The following KIAA1217 variants were observed in gnomAD, a reference collection of about 807,000 sequenced individuals.
KIAA1217 encodes sickle tail protein homolog.
A neutral mutation model predicts 163.9 loss-of-function variants in KIAA1217; 88 were observed. The observed-to-expected ratio is 0.54, with a 90% CI of 0.45 to 0.64. KIAA1217 has a LOEUF of 0.64. Among genes scored for constraint, KIAA1217 ranks in the 30% least tolerant of loss-of-function variants. The probability of loss-of-function intolerance (pLI) is 0.00; values close to 1 mark genes in which losing one functional copy is unlikely to be tolerated. For missense variants in KIAA1217, 2,372 were observed against 2,475.0 expected, an observed-to-expected ratio of 0.96 and a Z score of 0.88; for synonymous variants, 903 against 923.1, an observed-to-expected ratio of 0.98 and a Z score of 0.39.
intron 3 of KIAA1217, among the ~76,000 whole-genome samples, chr10:24,384,629 C>T (rs192375381): frequency 6.6e-6 from 1 of 152,096 alleles, no homozygotes; most frequent in South Asian, 2.1e-4. Flanking sequence ...CTCTGTCTCC[C>T]GGGTTCACGC....
chr10:24,150,378 A>C (rs1319924193), intron 2 of KIAA1217, among the ~76,000 whole-genome samples: 2 of 152,192 alleles, frequency 1.3e-5, no homozygotes, highest in Non-Finnish European at 2.9e-5. Context: ...ACCATCATTG[A>C]GAATCCGTTT....
chr10:23,846,005 T>A (rs1354951204), intron 1 of KIAA1217, among the ~76,000 whole-genome samples: 1 of 152,210 alleles, frequency 6.6e-6, no homozygotes, highest in Non-Finnish European at 1.5e-5. Context: ...TCCCCATTGC[T>A]TCTTTGTGTC....
At chr10:23,806,684 T>A (rs1024230558) in intron 1 of KIAA1217, among the ~76,000 whole-genome samples, 4 of 152,256 alleles carry the variant, frequency 2.6e-5, no homozygotes, top group Non-Finnish European at 5.9e-5. Flanking sequence ...TTCTTAGGTT[T>A]GAACCAACAG....
At chr10:23,907,670 C>T (rs1231866593) in intron 1 of KIAA1217, among the ~76,000 whole-genome samples, 3 of 152,068 alleles carry the variant, frequency 2.0e-5, no homozygotes, top group Non-Finnish European at 2.9e-5. Context: ...ACGGGTTGGA[C>T]GATGCCCACA....
chr10:23,772,812 C>G (rs964742697), intron 1 of KIAA1217, among the ~76,000 whole-genome samples: 5 of 152,226 alleles, frequency 3.3e-5, no homozygotes, highest in African/African-American at 1.2e-4. Flanking sequence ...GCACACATCC[C>G]TGGCATACAA....
At chr10:24,205,475 C>CA (rs1037115768), upstream of KIAA1217, among the ~76,000 whole-genome samples, 14 of 146,464 alleles carry the variant, frequency 9.6e-5, no homozygotes, top group Admixed American at 6.8e-5. Flanking sequence ...AACTCCGTCT[C>CA]AAAAAAAAGG....
At chr10:23,974,079 G>A (rs1282782931) in intron 1 of KIAA1217, among the ~76,000 whole-genome samples, 2 of 152,186 alleles carry the variant, frequency 1.3e-5, no homozygotes, top group African/African-American at 4.8e-5. Flanking sequence ...ATCTACCCCA[G>A]ACTGAAAAAC....
chr10:24,041,459 G>C (rs1056209828), intron 2 of KIAA1217, among the ~76,000 whole-genome samples: 1 of 152,036 alleles, frequency 6.6e-6, no homozygotes, highest in South Asian at 2.1e-4. Flanking sequence ...AATAAACTCC[G>C]AACTCTTTAA....
At chr10:23,761,271 A>G (rs1235993781) in intron 1 of KIAA1217, among the ~76,000 whole-genome samples, 1 of 151,968 alleles carries the variant, frequency 6.6e-6, no homozygotes, top group Non-Finnish European at 1.5e-5. Flanking sequence ...AACAACCCTG[A>G]TCTGTTATTT....
rs571889928 is a variant in KIAA1217, at chr10:23,905,837, T to G, written c.-320-101388T>G. On this transcript the variant is annotated intron_variant, in intron 1 of 18. Transcript: ENST00000376462. ...CTGAGATGACTTTGGTAGGGAAGTG[T>G]GTGCACACAAGCACTGTCTTAGTCC... Among the ~76,000 whole-genome samples, 17 of 152,312 alleles carry G rather than the reference T, an allele frequency of 1.1e-4. No homozygotes were observed. The South Asian group carries it at 3.5e-3, about 32-fold the overall frequency.
In KIAA1217 at chr10:23,866,402, T is replaced by G. The variant is rs181226937; in HGVS notation, c.-320-140823T>G. Among the ~76,000 whole-genome samples the G allele has an allele frequency of 2.6e-5, 4 of 152,286 alleles. No individual in the cohort carries two copies. In the East Asian group the frequency reaches 7.7e-4, roughly 29 times the overall value. On this transcript the variant is annotated intron_variant, in intron 1 of 18. Transcript: ENST00000376462. ...GGTGAAAATTTAGTAAAACAAAATTTTGTATTTTAGCAACTTTCTCTGTTT... is the reference window on the plus strand; with the variant it reads ...GGTGAAAATTTAGTAAAACAAAATTGTGTATTTTAGCAACTTTCTCTGTTT...
In KIAA1217 at chr10:24,464,225, C is replaced by T. The variant is rs117134664; in HGVS notation, c.847-9003C>T. On this transcript the variant is annotated intron_variant, in intron 5 of 20. Transcript: ENST00000376454. The stretch of plus-strand genomic sequence containing the variant: ...GAGCATTTAACTCATCCTGATTCAC[C>T]GCAGGATTGGGCTGGCTTTCAAACT... Among the ~76,000 whole-genome samples the T allele has an allele frequency of 2.6e-3, 395 of 152,268 alleles. 9 individuals are homozygous for T. The South Asian group carries it at 0.048, about 19-fold the overall frequency.
chr10:24,261,543 T>G (rs1462326210), intron 2 of KIAA1217, among the ~76,000 whole-genome samples: 2 of 151,908 alleles, frequency 1.3e-5, no homozygotes, highest in African/African-American at 4.8e-5. Context: ...AGCTGACCTC[T>G]TGTACTCTGA....
chr10:23,922,130 T>C (rs1475639443), intron 1 of KIAA1217, among the ~76,000 whole-genome samples: 8 of 151,372 alleles, frequency 5.3e-5, no homozygotes. Flanking sequence ...TAATGCAACC[T>C]CTGGCCAATA....
chr10:24,520,025 C>G (rs1306483077), intron 10 of KIAA1217, 98 bp from the exon 11 acceptor site: 12 of 1,402,142 alleles, frequency 8.6e-6, no homozygotes, highest in South Asian at 1.3e-5. Flanking sequence ...AGCTGGGGCT[C>G]TACACAAAAT....
chr10:23,966,108 C>A (rs1449337141), intron 1 of KIAA1217, among the ~76,000 whole-genome samples: 1 of 152,094 alleles, frequency 6.6e-6, no homozygotes, highest in Non-Finnish European at 1.5e-5. Context: ...TCTCACTGAG[C>A]CCTGTGCTTA....
chr10:24,389,852 C>A (rs2054596664), intron 3 of KIAA1217, among the ~76,000 whole-genome samples: 1 of 152,038 alleles, frequency 6.6e-6, no homozygotes, highest in Non-Finnish European at 1.5e-5. Context: ...GCATTATTTG[C>A]CAAGCTCCCA....
intron 1 of KIAA1217, among the ~76,000 whole-genome samples, chr10:24,212,815 T>C (rs1050996658): frequency 6.6e-6 from 1 of 152,198 alleles, no homozygotes; most frequent in Non-Finnish European, 1.5e-5. Flanking sequence ...TTTATTCACG[T>C]TTGCATTTCC....
chr10:24,322,078 A>T (rs2044236589), intron 2 of KIAA1217, among the ~76,000 whole-genome samples: 1 of 152,052 alleles, frequency 6.6e-6, no homozygotes, highest in Non-Finnish European at 1.5e-5. Context: ...CCTCCTGAGT[A>T]GCTGGGATCA....
Sources: gnomAD v4.1 joint callset for allele counts (sites outside exome capture counted in the v4.1 genomes callset) on GRCh38, gnomAD v4.1.1 for gene constraint, MANE v1.5 for transcripts, NCBI Gene and HGNC (gene_info 2026-07-23, HGNC 2026-07-21) for gene names.